Variants in MYO7A observed in about 807,000 individuals in gnomAD.
MYO7A encodes unconventional myosin-VIIa.
Under a neutral mutation model 263.8 loss-of-function variants are expected in MYO7A, and 210 were observed. The observed-to-expected ratio is 0.80, with a 90% confidence interval of 0.71 to 0.89. The LOEUF (loss-of-function observed/expected upper bound fraction) is 0.89. MYO7A is among the 40% of genes least tolerant of loss of function. The probability of loss-of-function intolerance (pLI) is 0.00; values close to 1 mark genes in which losing one functional copy is unlikely to be tolerated. For missense variants in MYO7A, 2,820 were observed against 2,968.3 expected, an observed-to-expected ratio of 0.95 and a Z score of 1.16; for synonymous variants, 1,239 against 1,197.3, an observed-to-expected ratio of 1.03 and a Z score of -0.72.
chr11:77,196,195 C>T (rs1047425106), intron 32 of MYO7A, among the ~76,000 whole-genome samples: 3 of 152,194 alleles, frequency 2.0e-5, no homozygotes, highest in Non-Finnish European at 4.4e-5. Context: ...GGCAAAACCC[C>T]GTCTCTACTA....
intron 14 of MYO7A, among the ~76,000 whole-genome samples, chr11:77,164,720 C>A (rs1053114394): frequency 6.6e-6 from 1 of 152,166 alleles, no homozygotes; most frequent in Non-Finnish European, 1.5e-5. Flanking sequence ...CTATTATGTA[C>A]CAGGCTTCAT....
intron 9 of MYO7A, among the ~76,000 whole-genome samples, 200 bp from the exon 10 acceptor site, chr11:77,159,247 A>C (rs1382353353): frequency 1.3e-5 from 2 of 152,170 alleles, no homozygotes; most frequent in Non-Finnish European, 2.9e-5. Context: ...CCCTACCCTC[A>C]TGCTGCCTGC....
intron 27 of MYO7A, among the ~76,000 whole-genome samples, chr11:77,187,752 C>T (rs12805353): frequency 0.55 from 83,351 of 152,048 alleles, 24,329 homozygotes; most frequent in African/African-American, 0.75. Flanking sequence ...ACAGGTCTGT[C>T]GGGAGAGCTG....
intron 17 of MYO7A, among the ~76,000 whole-genome samples, 172 bp from the exon 18 acceptor site, chr11:77,175,200 G>C (rs1374908876): frequency 6.6e-6 from 1 of 152,202 alleles, no homozygotes; most frequent in African/African-American, 2.4e-5. Flanking sequence ...ATACCATCCA[G>C]CTGAGCTAAG....
chr11:77,150,420 G>A (rs1174137041), intron 4 of MYO7A, among the ~76,000 whole-genome samples: 2 of 152,302 alleles, frequency 1.3e-5, no homozygotes, highest in East Asian at 1.9e-4. Flanking sequence ...TGTAAAATTA[G>A]GAGGGTGGTG....
rs1432438320 is a variant in MYO7A, at chr11:77,197,707, G to C, written c.4441+109G>C. 1.4e-5 allele frequency: 9 copies of C among 630,520 alleles called. No individual in the cohort carries two copies. In the South Asian group the frequency reaches 1.8e-4, roughly 12 times the overall value. The allele number at this position is 630,520 out of a possible 1,614,324, so 39.1% of individuals were successfully genotyped here. A position where few individuals can be genotyped will look rare whatever the true frequency, so the allele number is the denominator to read the frequency against. ...TGCAATGCTCCCAGTCCCTTGCTCT[G>C]TAGCTCCAGCCCACAGCCTACAAAT... is the stretch of plus-strand genomic sequence containing the variant. On this transcript the variant is annotated intron_variant, in intron 33 of 48. Transcript: ENST00000409709.
At chr11:77,147,238 T>C (rs1354628186) in intron 3 of MYO7A, among the ~76,000 whole-genome samples, 2 of 151,480 alleles carry the variant, frequency 1.3e-5, no homozygotes, top group Non-Finnish European at 2.9e-5. Flanking sequence ...CCCTAATCTT[T>C]TTACAGTGGT....
Position 77,211,868 on chromosome 11 carries a change from G to A in MYO7A, c.6285G>A (p.Glu2095=), listed in dbSNP as rs2135790801. 1 of 1,613,980 alleles carries A rather than the reference G, an allele frequency of 6.2e-7. No homozygotes were observed. Among genetic ancestry groups the A allele is most frequent in the Non-Finnish European group, 8.5e-7 (1 of 1,179,862 alleles). ...AGCACGCAGGGAAGTCCAAGGAGGA[G>A]GCCAAGCTGGCCTTCCTGAAGCTCA... The part of the protein sequence containing the change: ...FNKHAGKSKE[E]AKLAFLKLIF... The change falls in exon 46 of 49, where the codon GAG becomes GAA. Residue 2095 remains glutamate, a synonymous_variant. Transcript: ENST00000409709.
At chr11:77,173,596 G>C (rs12284953) in intron 16 of MYO7A, among the ~76,000 whole-genome samples, 5 of 152,092 alleles carry the variant, frequency 3.3e-5, no homozygotes, top group Admixed American at 6.5e-5. Context: ...CTCTCCTTTC[G>C]CAGCACAGGC....
At chr11:77,149,133 C>G (rs1049800539) in intron 4 of MYO7A, among the ~76,000 whole-genome samples, 10 of 152,198 alleles carry the variant, frequency 6.6e-5, no homozygotes, top group Non-Finnish European at 1.2e-4. Context: ...AGAGCTGTGC[C>G]GTGCCCGGGT....
chr11:77,189,432 T>C lies in MYO7A; in HGVS notation c.3592T>C (p.Cys1198Arg). 1 of 1,613,916 alleles carries C rather than the reference T, an allele frequency of 6.2e-7. No individual in the cohort carries two copies. Among genetic ancestry groups the C allele is most frequent in the Non-Finnish European group, 8.5e-7 (1 of 1,179,880 alleles). Residue 1198 changes from cysteine to arginine, a missense_variant, in exon 28 of 49, where the codon TGC becomes CGC. Coordinates refer to ENST00000409709, the MANE Select transcript of MYO7A (RefSeq NM_000260.4). ...CCGGGGCTGGATTCTCGTGTCTCTC[T>C]GCGTGGGCTGTTTCGCCCCCTCCGA... Reference protein sequence around the residue: ...YARGWILVSLCVGCFAPSEKF... With the variant: ...YARGWILVSLRVGCFAPSEKF...
rs1442563586 is a variant in MYO7A, at chr11:77,144,600, C to G, written c.132+1778C>G. Among the ~76,000 whole-genome samples, 4 of 152,192 alleles carry G rather than the reference C, an allele frequency of 2.6e-5. No homozygotes were observed. The East Asian group carries it at 7.7e-4, about 29-fold the overall frequency. Reference sequence around the variant, plus strand: ...GCTCCTTCACAAGCCTTTCCCACCCCCATTCCATCCCCTCCCTCCCAACTC... The same window carrying G: ...GCTCCTTCACAAGCCTTTCCCACCCGCATTCCATCCCCTCCCTCCCAACTC... On this transcript the variant is annotated intron_variant, in intron 3 of 48. Transcript: ENST00000409709.
At position 77,175,277 on chromosome 11, in the gene MYO7A, C is replaced by G. The variant is rs1281990480; in HGVS notation, c.2095-95C>G. 8 of 1,175,692 alleles carry G rather than the reference C, an allele frequency of 6.8e-6. No individual in the cohort carries two copies. In the Admixed American group the frequency reaches 1.1e-4, roughly 17 times the overall value. 72.8% of individuals were successfully genotyped at this position (1,175,692 alleles called of 1,614,324 possible). A position where few individuals can be genotyped will look rare whatever the true frequency, so the allele number is the denominator to read the frequency against. On this transcript the variant is annotated intron_variant, in intron 17 of 48. Transcript: ENST00000409709. ...CACACTTCGAGTCAGGGGCAGAGCT[C>G]GGGAAGAGCCCTGCCTCTCAGCCTC...
chr11:77,177,524 G>T, intron 18 of MYO7A, 25 bp from the exon 19 acceptor site: 1 of 1,582,622 alleles, frequency 6.3e-7, no homozygotes, highest in South Asian at 1.1e-5. Context: ...CTTGTGGGGC[G>T]CTGCTCAGGA....
intron 3 of MYO7A, among the ~76,000 whole-genome samples, chr11:77,147,037 C>T (rs1951622076): frequency 1.3e-5 from 2 of 152,100 alleles, no homozygotes. Flanking sequence ...CTCACACGTC[C>T]CAAGAGTTCA....
intron 9 of MYO7A, 36 bp from the exon 10 acceptor site, chr11:77,159,407 ACCCT>A: frequency 9.4e-6 from 4 of 426,910 alleles, no homozygotes; most frequent in South Asian, 1.9e-5. Flanking sequence ...CCTGTTGCCC[ACCCT>A]CCCTCCCCTG....
Position 77,203,182 on chromosome 11 carries a change from A to G in MYO7A, c.5291A>G (p.Glu1764Gly), listed in dbSNP as rs759346941. 5.2e-5 allele frequency: 80 copies of G among 1,552,398 alleles called. No homozygotes were observed. Among genetic ancestry groups the G allele is most frequent in the Non-Finnish European group, 6.9e-5 (79 of 1,148,842 alleles). ...QALLKKLLGSEELSQEACLAF... is the reference protein window; with the variant it reads ...QALLKKLLGSGELSQEACLAF... ...CTGCTCAAGAAGCTCCTGGGCAGTG[A>G]GGAGCTCTCGCAGGAGGCCTGCCTG... The change falls in exon 38 of 49, where the codon GAG becomes GGG. Residue 1764 changes from glutamate to glycine, a missense_variant. Transcript: ENST00000409709.
chr11:77,148,021 G>GCCCGACTTGCCTCCGGC, intron 4 of MYO7A, 71 bp downstream of exon 4: 1 of 1,188,094 alleles, frequency 8.4e-7, no homozygotes, highest in East Asian at 3.8e-5. Context: ...GCCCCACCCC[G>GCCCGACTTGCCTCCGGC]CCCGACTTGC....
intron 19 of MYO7A, among the ~76,000 whole-genome samples, chr11:77,178,190 TAC>T (rs1954807238): frequency 4.6e-4 from 1 of 2,156 alleles, no homozygotes; most frequent in African/African-American, 1.6e-3. Flanking sequence ...CCCACCCACC[TAC>T]CCATCCATCC....
Sources: gnomAD v4.1 joint callset for allele counts (sites outside exome capture counted in the v4.1 genomes callset) on GRCh38, gnomAD v4.1.1 for gene constraint, MANE v1.5 for transcripts, NCBI Gene and HGNC (gene_info 2026-07-23, HGNC 2026-07-21) for gene names.